GREB1L: variants seen among roughly 807,000 people sequenced by gnomAD.
GREB1L encodes GREB1-like protein.
GREB1L carries 17 observed loss-of-function variants against 200.8 expected under a neutral mutation model. The ratio of observed to expected loss-of-function variants is 0.08; its 90% CI spans 0.06 to 0.13. The LOEUF is 0.13. Among genes scored for constraint, GREB1L ranks in the 10% least tolerant of loss-of-function variants. The pLI is 1.00. For missense variants in GREB1L, 1,657 were observed against 2,367.7 expected (o/e 0.70, Z 6.23); for synonymous variants, 789 against 893.0 (o/e 0.88, Z 2.08).
rs558981666 is a variant in GREB1L, at chr18:21,454,763, G to A, written c.2182+200G>A. On this transcript the variant is annotated intron_variant, in intron 15 of 32. Transcript: ENST00000424526. Reference sequence around the variant, plus strand: ...TGTCCTTTTTCCCTCAAGGTCAAGGGTAAATTGTTGTGCATGTTTGCCAGG... The same window carrying A: ...TGTCCTTTTTCCCTCAAGGTCAAGGATAAATTGTTGTGCATGTTTGCCAGG... The A allele has an allele frequency of 1.0e-5, 6 of 589,972 alleles. No homozygotes were observed. In the Admixed American group the frequency reaches 1.8e-4, roughly 17 times the overall value. The allele number at this position is 589,972 out of a possible 1,614,324, so 36.5% of individuals were successfully genotyped here.
intron 1 of GREB1L, among the ~76,000 whole-genome samples, chr18:21,364,426 A>C (rs1361739055): frequency 6.6e-6 from 1 of 152,184 alleles, no homozygotes; most frequent in Non-Finnish European, 1.5e-5. Flanking sequence ...GACAAGGAAC[A>C]GGAAGGAGGT....
chr18:21,469,177 C>T (rs2035383236), intron 15 of GREB1L, among the ~76,000 whole-genome samples: 1 of 152,102 alleles, frequency 6.6e-6, no homozygotes, highest in Non-Finnish European at 1.5e-5. Context: ...TGTAGTATTT[C>T]CAAGTTGATG....
chr18:21,252,282 G>A (rs2143961606), intron 1 of GREB1L, among the ~76,000 whole-genome samples: 1 of 152,280 alleles, frequency 6.6e-6, no homozygotes, highest in East Asian at 1.9e-4. Context: ...ATTAGTCCGG[G>A]TGCAGTGGCT....
At chr18:21,515,748 GCTGA>G in intron 29 of GREB1L, 104 bp downstream of exon 29, 1 of 841,920 alleles carries the variant, frequency 1.2e-6, no homozygotes, top group Non-Finnish European at 1.8e-6. Context: ...CAGTTGAGAA[GCTGA>G]CTCTTTATGT....
chr18:21,448,171 A>G lies in GREB1L; in HGVS notation c.1394-1339A>G, dbSNP rs1283237187. 2.0e-5 allele frequency among the ~76,000 whole-genome samples: 3 copies of G among 151,368 alleles called. No homozygotes were observed. The East Asian group carries it at 5.8e-4, about 29-fold the overall frequency. On this transcript the variant is annotated intron_variant, in intron 11 of 32. Transcript: ENST00000424526. ...AGGGAAACTGTCTCAAAAAAAAAAA[A>G]AAGCAGCAGCAGCAGCATAGAAGAA... is the stretch of plus-strand genomic sequence containing the variant.
chr18:21,518,780 A>C (rs779122225), intron 31 of GREB1L, among the ~76,000 whole-genome samples: 2 of 152,124 alleles, frequency 1.3e-5, no homozygotes, highest in African/African-American at 2.4e-5. Context: ...CTTCTTTCTA[A>C]AATTTTTCAC....
chr18:21,455,403 C>T (rs1425493359), intron 15 of GREB1L, among the ~76,000 whole-genome samples: 1 of 151,978 alleles, frequency 6.6e-6, no homozygotes, highest in Non-Finnish European at 1.5e-5. Context: ...TACTTTCGGC[C>T]GGGGGCGGTG....
At chr18:21,450,395 C>G (rs1167091106) in intron 12 of GREB1L, among the ~76,000 whole-genome samples, 1 of 152,154 alleles carries the variant, frequency 6.6e-6, no homozygotes, top group African/African-American at 2.4e-5. Flanking sequence ...CATTTTGCTT[C>G]TCTCTTCTCT....
At chr18:21,322,174 A>T (rs989123089) in intron 1 of GREB1L, among the ~76,000 whole-genome samples, 27 of 152,242 alleles carry the variant, frequency 1.8e-4, no homozygotes, top group African/African-American at 6.0e-4. Context: ...TAAGTAGCGT[A>T]TATGTATAAA....
In GREB1L at chr18:21,500,572, C is replaced by T. The variant is rs2036745205; in HGVS notation, c.4002C>T (p.Leu1334=). 2 of 1,551,074 alleles carry T rather than the reference C, an allele frequency of 1.3e-6. No homozygotes were observed. Among genetic ancestry groups the T allele is most frequent in the Admixed American group, 3.9e-5 (2 of 50,824 alleles). The part of the protein sequence containing the change: ...VGKTGSYLQF[L]RILFRMLIRL... ...AGACGGGCTCCTATTTACAGTTCCTCAGGATCCTCTTCCGCATGCTCATCA... is the reference window on the plus strand; with the variant it reads ...AGACGGGCTCCTATTTACAGTTCCTTAGGATCCTCTTCCGCATGCTCATCA... Residue 1334 remains leucine (L), a synonymous_variant, in exon 23 of 33, where the codon CTC becomes CTT. Transcript: ENST00000424526.
At chr18:21,318,085 G>GC (rs2038898440) in intron 1 of GREB1L, among the ~76,000 whole-genome samples, 1 of 146,480 alleles carries the variant, frequency 6.8e-6, no homozygotes, top group Admixed American at 6.9e-5. Flanking sequence ...TCCAGCCTGG[G>GC]CAACAGAGTG....
intron 1 of GREB1L, among the ~76,000 whole-genome samples, chr18:21,257,814 T>C (rs1257643946): frequency 6.6e-6 from 1 of 152,246 alleles, no homozygotes; most frequent in Non-Finnish European, 1.5e-5. Context: ...AATTAATAAT[T>C]TAATTCAACA....
chr18:21,323,483 A>G (rs910084038), intron 1 of GREB1L, among the ~76,000 whole-genome samples: 8 of 152,226 alleles, frequency 5.3e-5, no homozygotes, highest in African/African-American at 1.9e-4. Context: ...CAGAAAAGCT[A>G]TAAATGGCTC....
chr18:21,377,632 G>A (rs111630069), intron 2 of GREB1L, among the ~76,000 whole-genome samples: 22,508 of 152,060 alleles, frequency 0.15, 3,588 homozygotes, highest in African/African-American at 0.39. Context: ...GGAGGCGGAG[G>A]TTGCAGTGAG....
In GREB1L at chr18:21,471,724, C is replaced by T. The variant is rs538899456; in HGVS notation, c.2183-1307C>T. Among the ~76,000 whole-genome samples the T allele has an allele frequency of 1.3e-4, 19 of 150,744 alleles. No individual in the cohort carries two copies. The South Asian group carries it at 3.5e-3, about 28-fold the overall frequency. On this transcript the variant is annotated intron_variant, in intron 15 of 32. Transcript: ENST00000424526. The stretch of plus-strand genomic sequence containing the variant: ...GCAACCTCGGCCTCCTGGGTTGAAG[C>T]GATTCTCCTCCTCAGCCTTCTGAGT...
At chr18:21,414,371 G>C (rs2031410340) in intron 7 of GREB1L, among the ~76,000 whole-genome samples, 1 of 152,170 alleles carries the variant, frequency 6.6e-6, no homozygotes, top group Non-Finnish European at 1.5e-5. Context: ...GGAGAAGTAA[G>C]ACTTCAGCAT....
chr18:21,490,438 T>A (rs2036288295), intron 19 of GREB1L, 87 bp downstream of exon 19: 3 of 1,060,304 alleles, frequency 2.8e-6, no homozygotes. Flanking sequence ...GGGGCCTGAG[T>A]TTAATAGAAT....
Position 21,518,042 on chromosome 18 carries a change from G to A in GREB1L, c.5280G>A (p.Glu1760=). 6.4e-7 allele frequency: 1 copy of A among 1,551,260 alleles called. No individual in the cohort carries two copies. Among genetic ancestry groups the A allele is most frequent in the Non-Finnish European group, 8.7e-7 (1 of 1,146,682 alleles). The change falls in exon 31 of 33, where the codon GAG becomes GAA. Residue 1760 remains glutamate (E), a synonymous_variant. Coordinates refer to ENST00000424526, the MANE Select transcript of GREB1L (RefSeq NM_001142966.3). ...CTCGCCTCTGATTTCAGGTGTCAGA[G>A]AGCTTAGCACCCATCTTGCCCCTTC... The part of the protein sequence containing the change: ...FIIKPKIMVS[E]SLAPILPLQY...
intron 15 of GREB1L, among the ~76,000 whole-genome samples, chr18:21,463,611 T>C (rs1368035838): frequency 1.3e-5 from 2 of 152,160 alleles, no homozygotes; most frequent in African/African-American, 4.8e-5. Flanking sequence ...AGGGTCTCAC[T>C]CTGTTGCCCA....
Sources: gnomAD v4.1 joint callset for allele counts (sites outside exome capture counted in the v4.1 genomes callset) on GRCh38, gnomAD v4.1.1 for gene constraint, MANE v1.5 for transcripts, NCBI Gene and HGNC (gene_info 2026-07-23, HGNC 2026-07-21) for gene names.